GJB7: variants seen among roughly 807,000 people sequenced by gnomAD.
GJB7 encodes gap junction beta-7 protein.
For missense variants in GJB7, 253 were observed against 256.8 expected, an observed-to-expected ratio of 0.99 and a Z score of 0.10; for synonymous variants, 87 against 95.2, an observed-to-expected ratio of 0.91 and a Z score of 0.50.
Position 87,324,653 on chromosome 6 carries a change from T to C in GJB7, c.-205-1610A>G, listed in dbSNP as rs566338540. Among the ~76,000 whole-genome samples the C allele has an allele frequency of 9.4e-4, 54 of 57,170 alleles. No individual in the cohort carries two copies. The East Asian group carries it at 0.028, about 29-fold the overall frequency. 37.5% of individuals were successfully genotyped at this position (57,170 alleles called of 152,430 possible). A position where few individuals can be genotyped will look rare whatever the true frequency, so the allele number is the denominator to read the frequency against. On this transcript the variant is annotated intron_variant, in intron 1 of 2. Transcript: ENST00000525899. ...TATCTCTGTTTTGGTACCAGTACCA[T>C]GCTGTTTTGGTTACTGTAGCCTTGT...
chr6:87,303,080 T>G (rs916102439), intron 2 of GJB7, among the ~76,000 whole-genome samples: 1 of 152,068 alleles, frequency 6.6e-6, no homozygotes, highest in East Asian at 1.9e-4. Flanking sequence ...ACATGCCAAA[T>G]TGTAAAGACC....
At chr6:87,305,323 CAA>C (rs531819339) in intron 2 of GJB7, among the ~76,000 whole-genome samples, 2 of 152,028 alleles carry the variant, frequency 1.3e-5, no homozygotes, top group African/African-American at 4.8e-5. Flanking sequence ...GCAATTTCAG[CAA>C]AGTCTCAGGA....
intron 2 of GJB7, among the ~76,000 whole-genome samples, chr6:87,295,765 T>A (rs188666260): frequency 7.9e-5 from 12 of 152,208 alleles, no homozygotes; most frequent in Admixed American, 3.3e-4. Flanking sequence ...CCCAGCCAGA[T>A]ACCCTGTCTC....
intron 2 of GJB7, among the ~76,000 whole-genome samples, chr6:87,306,547 A>G (rs996314574): frequency 1.3e-5 from 2 of 152,142 alleles, no homozygotes; most frequent in African/African-American, 4.8e-5. Flanking sequence ...GAGGCTGTGG[A>G]GAAATAGGAA....
At chr6:87,304,558 A>G (rs1315104366) in intron 2 of GJB7, among the ~76,000 whole-genome samples, 1 of 152,248 alleles carries the variant, frequency 6.6e-6, no homozygotes, top group Non-Finnish European at 1.5e-5. Context: ...AAAAAAGTCC[A>G]GGACCAGATG....
chr6:87,327,213 C>G (rs1183770266), intron 1 of GJB7, among the ~76,000 whole-genome samples: 6 of 147,762 alleles, frequency 4.1e-5, no homozygotes, highest in South Asian at 2.2e-4. Context: ...GGTCTTGACT[C>G]TTTATCCAAT....
intron 1 of GJB7, among the ~76,000 whole-genome samples, chr6:87,328,535 C>T (rs1776899691): frequency 6.6e-6 from 1 of 150,888 alleles, no homozygotes; most frequent in Non-Finnish European, 1.5e-5. Flanking sequence ...TCTGCCCCTG[C>T]TGGAGGCTGC....
At chr6:87,297,256 G>A (rs1466594440) in intron 2 of GJB7, among the ~76,000 whole-genome samples, 1 of 152,192 alleles carries the variant, frequency 6.6e-6, no homozygotes, top group Non-Finnish European at 1.5e-5. Flanking sequence ...ATGTGTTATG[G>A]TATAGGGGTA....
At chr6:87,314,418 G>T (rs1776553965) in intron 2 of GJB7, among the ~76,000 whole-genome samples, 1 of 152,152 alleles carries the variant, frequency 6.6e-6, no homozygotes, top group Non-Finnish European at 1.5e-5. Context: ...TGAGTTTAGG[G>T]GTTTCTTTGT....
At position 87,283,091 on chromosome 6, in the gene GJB7, G is replaced by A. The variant is rs1776000452; in HGVS notation, c.*1150C>T. ...AAGAAAATATAGAAAAGTAAAGAAA[G>A]TTCTAGTCTTCAAAACAAGTGATAA... On this transcript the variant is annotated 3_prime_UTR_variant, in exon 3 of 3. Transcript: ENST00000525899. 2 of 152,130 alleles carry A rather than the reference G, an allele frequency of 1.3e-5. No individual in the cohort carries two copies. Among genetic ancestry groups the A allele is most frequent in the South Asian group, 4.1e-4 (2 of 4,828 alleles). 9.4% of individuals were successfully genotyped at this position (152,130 alleles called of 1,614,324 possible). A position where few individuals can be genotyped will look rare whatever the true frequency, so the allele number is the denominator to read the frequency against.
At chr6:87,287,341 G>A (rs979751857) in intron 2 of GJB7, among the ~76,000 whole-genome samples, 2 of 152,198 alleles carry the variant, frequency 1.3e-5, no homozygotes, top group Non-Finnish European at 2.9e-5. Flanking sequence ...TGGAAACGGG[G>A]AGTTAAGAAA....
intron 2 of GJB7, among the ~76,000 whole-genome samples, chr6:87,317,077 G>A (rs904256670): frequency 2.0e-5 from 3 of 152,078 alleles, no homozygotes; most frequent in Non-Finnish European, 4.4e-5. Context: ...GTATCTGGCT[G>A]GGCGTGGTGG....
intron 2 of GJB7, among the ~76,000 whole-genome samples, chr6:87,301,282 A>G (rs1028933229): frequency 6.6e-6 from 1 of 152,208 alleles, no homozygotes; most frequent in African/African-American, 2.4e-5. Flanking sequence ...TTTCCTAGCC[A>G]AGGGAAGCTG....
intron 2 of GJB7, among the ~76,000 whole-genome samples, chr6:87,309,355 T>A (rs1776482160): frequency 6.6e-6 from 1 of 152,232 alleles, no homozygotes; most frequent in Non-Finnish European, 1.5e-5. Flanking sequence ...ATTTCCAGCT[T>A]GTGCTTTTGA....
chr6:87,298,999 A>C (rs772234977), intron 2 of GJB7: 95 of 481,504 alleles, frequency 2.0e-4, no homozygotes, highest in Non-Finnish European at 3.3e-4. Context: ...TGACTGTTCC[A>C]AAGTCAATTG....
Position 87,297,215 on chromosome 6 carries a change from A to T in GJB7, c.-27-12276T>A, listed in dbSNP as rs1456311346. ...AGTGAGGTGTATTTATGTGGTTCAC[A>T]TTCAATCATATTTACAGTTAATTTA... On this transcript the variant is annotated intron_variant, in intron 2 of 2. Coordinates refer to ENST00000525899, the MANE Select transcript of GJB7 (RefSeq NM_198568.3). Among the ~76,000 whole-genome samples, 6 of 152,222 alleles carry T rather than the reference A, an allele frequency of 3.9e-5. No homozygotes were observed. The East Asian group carries it at 7.7e-4, about 20-fold the overall frequency.
intron 2 of GJB7, among the ~76,000 whole-genome samples, chr6:87,304,601 G>T (rs561183112): frequency 6.6e-6 from 1 of 152,166 alleles, no homozygotes; most frequent in Admixed American, 6.5e-5. Flanking sequence ...GAGGTACAAG[G>T]AGGAGTTGGT....
At chr6:87,285,608 A>G (rs147100956) in intron 2 of GJB7, among the ~76,000 whole-genome samples, 2 of 152,280 alleles carry the variant, frequency 1.3e-5, no homozygotes, top group South Asian at 2.1e-4. Context: ...TCTTACCCCA[A>G]AATAATCATT....
At chr6:87,310,591 C>A (rs1159298234) in intron 2 of GJB7, among the ~76,000 whole-genome samples, 1 of 152,044 alleles carries the variant, frequency 6.6e-6, no homozygotes, top group Non-Finnish European at 1.5e-5. Flanking sequence ...TCTCAGAAAT[C>A]ACCATTGCAG....
Sources: gnomAD v4.1 joint callset for allele counts (sites outside exome capture counted in the v4.1 genomes callset) on GRCh38, gnomAD v4.1.1 for gene constraint, MANE v1.5 for transcripts, NCBI Gene and HGNC (gene_info 2026-07-23, HGNC 2026-07-21) for gene names.